Variants in SUGT1 observed in about 807,000 individuals in gnomAD.
SUGT1 encodes protein SGT1 homolog.
Under a neutral mutation model 56.1 loss-of-function variants are expected in SUGT1, and 15 were observed. The ratio of observed to expected loss-of-function variants is 0.27; its 90% CI spans 0.18 to 0.41. The LOEUF (loss-of-function observed/expected upper bound fraction) is 0.41. SUGT1 is among the 10% of genes least tolerant of loss of function. The probability of loss-of-function intolerance (pLI) is 1.00; values close to 1 mark genes in which losing one functional copy is unlikely to be tolerated. For synonymous variants in SUGT1, 123 were observed against 128.6 expected, an observed-to-expected ratio of 0.96 and a Z score of 0.30; for missense variants, 347 against 382.2, an observed-to-expected ratio of 0.91 and a Z score of 0.77.
chr13:52,654,191 TA>T (rs1415681479), intron 2 of SUGT1, among the ~76,000 whole-genome samples: 1 of 152,228 alleles, frequency 6.6e-6, no homozygotes, highest in Non-Finnish European at 1.5e-5. Flanking sequence ...GTGTGTTTTT[TA>T]CACCTAAATA....
chr13:52,700,229 T>C lies in SUGT1; in HGVS notation c.*12394T>C, dbSNP rs1964043032. Reference sequence around the variant, plus strand: ...TGATAACATACACCCAAATAAAGACTGCTATGTATTTGACTTTAAAACTAT... The same window carrying C: ...TGATAACATACACCCAAATAAAGACCGCTATGTATTTGACTTTAAAACTAT... On this transcript the variant is annotated 3_prime_UTR_variant, in exon 13 of 13. Transcript: ENST00000310528. The C allele has an allele frequency of 6.6e-6, 1 of 152,176 alleles. No individual in the cohort carries two copies. 9.4% of individuals were successfully genotyped at this position (152,176 alleles called of 1,614,324 possible).
intron 12 of SUGT1, among the ~76,000 whole-genome samples, chr13:52,683,911 T>G (rs887413420): frequency 1.3e-5 from 2 of 152,164 alleles, no homozygotes; most frequent in African/African-American, 4.8e-5. Context: ...GAGACGGCAT[T>G]TTTCTATCGC....
At chr13:52,653,450 T>A (rs1962011374) in intron 2 of SUGT1, among the ~76,000 whole-genome samples, 1 of 152,196 alleles carries the variant, frequency 6.6e-6, no homozygotes, top group Non-Finnish European at 1.5e-5. Context: ...GTTAATTTTT[T>A]CGTTTGACAA....
At chr13:52,681,096 C>A (rs1340038860) in intron 12 of SUGT1, among the ~76,000 whole-genome samples, 1 of 152,130 alleles carries the variant, frequency 6.6e-6, no homozygotes, top group Non-Finnish European at 1.5e-5. Context: ...CCTCAGCCTC[C>A]CAAAGTGCTG....
At chr13:52,662,125 G>A (rs979356476) in intron 5 of SUGT1, among the ~76,000 whole-genome samples, 1 of 152,096 alleles carries the variant, frequency 6.6e-6, no homozygotes, top group African/African-American at 2.4e-5. Flanking sequence ...AAAACTTCAC[G>A]GAATTTAAAG....
intron 12 of SUGT1, among the ~76,000 whole-genome samples, chr13:52,685,026 C>T (rs923566745): frequency 2.0e-5 from 3 of 151,422 alleles, no homozygotes; most frequent in African/African-American, 7.3e-5. Flanking sequence ...TTCTTGAGTC[C>T]CAAGGTCCCT....
intron 9 of SUGT1, 45 bp downstream of exon 9, chr13:52,665,778 C>T (rs765749380): frequency 2.3e-6 from 3 of 1,318,574 alleles, no homozygotes; most frequent in Admixed American, 2.2e-5. Context: ...CTATTATTTG[C>T]AAATTTAGTA....
intron 2 of SUGT1, 53 bp from the exon 3 acceptor site, chr13:52,657,478 AT>A (rs1962222983): frequency 1.5e-5 from 22 of 1,460,420 alleles, no homozygotes; most frequent in Non-Finnish European, 2.1e-5. Context: ...TTTAATTAGA[AT>A]TTGATGGCTT....
chr13:52,666,287 G>A lies in SUGT1; in HGVS notation c.520-525G>A, dbSNP rs191416655. Among the ~76,000 whole-genome samples the A allele has an allele frequency of 1.8e-3, 276 of 152,236 alleles. 2 individuals carry two copies. Among genetic ancestry groups the A allele is most frequent in the African/African-American group, 6.2e-3 (258 of 41,536 alleles). ...AAACGGGGTTTCACCATGTTGGCCAGGCTGTTGTCGAATTCCTGACCTCAA... is the reference window on the plus strand; with the variant it reads ...AAACGGGGTTTCACCATGTTGGCCAAGCTGTTGTCGAATTCCTGACCTCAA... On this transcript the variant is annotated intron_variant, in intron 9 of 12. Coordinates refer to ENST00000310528, the MANE Select transcript of SUGT1 (RefSeq NM_006704.5).
At chr13:52,679,935 C>T (rs1217556879) in intron 11 of SUGT1, 39 bp from the exon 12 acceptor site, 11 of 1,539,480 alleles carry the variant, frequency 7.1e-6, no homozygotes, top group Non-Finnish European at 8.7e-6. Flanking sequence ...ATAATTGAAA[C>T]ATGTTGATTA....
In SUGT1 at chr13:52,688,730, A is replaced by G. The variant is rs967494470; in HGVS notation, c.*895A>G. 6 of 152,292 alleles carry G rather than the reference A, an allele frequency of 3.9e-5. No individual in the cohort carries two copies. The highest frequency in any genetic ancestry group is 2.1e-4 in the South Asian group (1 of 4,820). 9.4% of individuals were successfully genotyped at this position (152,292 alleles called of 1,614,324 possible). ...AGTATTTACTCTGTGCCTAGAATAT[A>G]TAGATATCATGAGAATACAAAAAAT... On this transcript the variant is annotated 3_prime_UTR_variant, in exon 13 of 13. Transcript: ENST00000310528.
rs1963855435 is a variant in SUGT1, at chr13:52,694,073, G to A, written c.*6238G>A. The stretch of plus-strand genomic sequence containing the variant: ...CAGTTGACTGTGGGTCACTGAAATT[G>A]TGGAAAGCAAAACCATGGATAAAGG... On this transcript the variant is annotated 3_prime_UTR_variant, in exon 13 of 13. Coordinates refer to ENST00000310528, the MANE Select transcript of SUGT1 (RefSeq NM_006704.5). The A allele has an allele frequency of 6.6e-6, 1 of 152,196 alleles. No homozygotes were observed. The highest frequency in any genetic ancestry group is 1.5e-5 in the Non-Finnish European group (1 of 68,046). The allele number at this position is 152,196 out of a possible 1,614,324, so 9.4% of individuals were successfully genotyped here. A position where few individuals can be genotyped will look rare whatever the true frequency, so the allele number is the denominator to read the frequency against.
intron 10 of SUGT1, among the ~76,000 whole-genome samples, chr13:52,673,776 G>A (rs563571323): frequency 6.6e-6 from 1 of 152,282 alleles, no homozygotes; most frequent in Non-Finnish European, 1.5e-5. Flanking sequence ...TAGATGAGTT[G>A]AAAATTAAAG....
Position 52,695,049 on chromosome 13 carries a change from A to G in SUGT1, c.*7214A>G, listed in dbSNP as rs1172101756. 1 of 152,256 alleles carries G rather than the reference A, an allele frequency of 6.6e-6. No homozygotes were observed. The highest frequency in any genetic ancestry group is 2.4e-5 in the African/African-American group (1 of 41,466). The allele number at this position is 152,256 out of a possible 1,614,324, so 9.4% of individuals were successfully genotyped here. A position where few individuals can be genotyped will look rare whatever the true frequency, so the allele number is the denominator to read the frequency against. On this transcript the variant is annotated 3_prime_UTR_variant, in exon 13 of 13. Coordinates refer to ENST00000310528, the MANE Select transcript of SUGT1 (RefSeq NM_006704.5). ...TTATTATTCTTGCCCCAAATGAATC[A>G]GTGTGGAGCATATACAAGTGTGTAG...
chr13:52,661,302 TTTTG>T (rs754465019), intron 5 of SUGT1, among the ~76,000 whole-genome samples: 60 of 152,074 alleles, frequency 3.9e-4, no homozygotes, highest in Middle Eastern at 3.4e-3. Flanking sequence ...TTTTTTTTGT[TTTTG>T]TTTGTTTGTT....
chr13:52,676,295 G>A lies in SUGT1; in HGVS notation c.693G>A (p.Val231=). The change falls in exon 11 of 13, where the codon GTG becomes GTA. Residue 231 remains valine, a synonymous_variant. Transcript: ENST00000310528. ...AAAAGCTAGAGGGGCAAGGAGATGT[G>A]CCTACGCCAAAACAATTCGTAGCAG... ...RWEKLEGQGD[V]PTPKQFVADV... is the part of the protein sequence containing the mutation. The A allele has an allele frequency of 6.2e-7, 1 of 1,612,746 alleles. No individual in the cohort carries two copies. The highest frequency in any genetic ancestry group is 8.5e-7 in the Non-Finnish European group (1 of 1,179,334).
At position 52,689,053 on chromosome 13, in the gene SUGT1, A is replaced by G. The variant is rs894159628; in HGVS notation, c.*1218A>G. On this transcript the variant is annotated 3_prime_UTR_variant, in exon 13 of 13. Coordinates refer to ENST00000310528, the MANE Select transcript of SUGT1 (RefSeq NM_006704.5). ...CATTTTTATGGCAAAGCACTACTCT[A>G]TACCCTCAGAGCAGGGGGAGTGGGA... The G allele has an allele frequency of 1.3e-5, 2 of 152,296 alleles. No homozygotes were observed. The highest frequency in any genetic ancestry group is 2.1e-4 in the South Asian group (1 of 4,808). The allele number at this position is 152,296 out of a possible 1,614,324, so 9.4% of individuals were successfully genotyped here.
intron 12 of SUGT1, among the ~76,000 whole-genome samples, chr13:52,682,714 A>G (rs150215743): frequency 3.3e-4 from 50 of 152,308 alleles, no homozygotes; most frequent in Non-Finnish European, 6.2e-4. Flanking sequence ...ATTGAGCTGT[A>G]TGTGATCTAT....
chr13:52,687,923 A>G lies in SUGT1; in HGVS notation c.*88A>G, dbSNP rs760601246. On this transcript the variant is annotated 3_prime_UTR_variant, in exon 13 of 13. Coordinates refer to ENST00000310528, the MANE Select transcript of SUGT1 (RefSeq NM_006704.5). ...TGCATTCTTGAATTTTGAACACTGA[A>G]TATCTTTTTGAAAGATTATACTTCT... 3 of 765,236 alleles carry G rather than the reference A, an allele frequency of 3.9e-6. No homozygotes were observed. Among genetic ancestry groups the G allele is most frequent in the Non-Finnish European group, 5.8e-6 (3 of 514,228 alleles). The allele number at this position is 765,236 out of a possible 1,614,324, so 47.4% of individuals were successfully genotyped here. A position where few individuals can be genotyped will look rare whatever the true frequency, so the allele number is the denominator to read the frequency against.
Sources: allele counts gnomAD v4.1 joint callset (sites outside exome capture counted in the v4.1 genomes callset), GRCh38; gene constraint gnomAD v4.1.1; transcripts MANE v1.5; gene names NCBI Gene and HGNC (gene_info 2026-07-23, HGNC 2026-07-21).